The following LCOR variants were observed in gnomAD, a reference collection of about 807,000 sequenced individuals.
The protein encoded by LCOR is ligand-dependent corepressor.
A neutral mutation model predicts 64.4 loss-of-function variants in LCOR; 14 were observed. The ratio of observed to expected loss-of-function variants is 0.22; its 90% CI spans 0.14 to 0.34. The LOEUF (loss-of-function observed/expected upper bound fraction) is 0.34, where lower values mean the gene tolerates loss of function less well. LCOR is among the 10% of genes least tolerant of loss of function. The pLI, the probability that LCOR is intolerant of heterozygous loss-of-function variation, is 1.00. For missense variants in LCOR, 1,686 were observed against 1,765.3 expected (o/e 0.96, Z 0.80); for synonymous variants, 643 against 642.5 (o/e 1.00, Z -0.01).
chr10:96,965,570 G>A (rs1847940571), intron 7 of LCOR, among the ~76,000 whole-genome samples: 1 of 149,494 alleles, frequency 6.7e-6, no homozygotes. Context: ...GCTGAGGCAG[G>A]AGAATGGCGT....
At chr10:96,965,335 G>T (rs1330776015) in intron 7 of LCOR, among the ~76,000 whole-genome samples, 1 of 151,186 alleles carries the variant, frequency 6.6e-6, no homozygotes, top group Non-Finnish European at 1.5e-5. Flanking sequence ...ATTTAAAGAT[G>T]ATGCTATTGT....
chr10:96,873,263 C>A (rs914180553), intron 2 of LCOR, among the ~76,000 whole-genome samples: 2 of 152,012 alleles, frequency 1.3e-5, no homozygotes, highest in South Asian at 4.2e-4. Context: ...CTAAAAGCTG[C>A]TTCTGAGTTT....
At chr10:96,895,494 G>A (rs543661083) in intron 2 of LCOR, among the ~76,000 whole-genome samples, 1 of 152,252 alleles carries the variant, frequency 6.6e-6, no homozygotes, top group African/African-American at 2.4e-5. Context: ...GTTCTCTACA[G>A]CTACCTGGTA....
intron 7 of LCOR, chr10:96,955,091 G>A: frequency 1.2e-6 from 2 of 1,614,166 alleles, no homozygotes. Flanking sequence ...CTCGATCCCT[G>A]CAGATTAGTG....
chr10:96,914,752 ATT>A (rs1276829011), intron 4 of LCOR, among the ~76,000 whole-genome samples: 1 of 152,142 alleles, frequency 6.6e-6, no homozygotes. Flanking sequence ...GGGTTGACAA[ATT>A]TTCAAGAGCT....
At chr10:96,942,039 T>G (rs1589671902) in intron 4 of LCOR, among the ~76,000 whole-genome samples, 1 of 124,818 alleles carries the variant, frequency 8.0e-6, no homozygotes, top group Non-Finnish European at 1.7e-5. Context: ...CCAGACGGGG[T>G]GGCGGCTGGG....
At chr10:96,901,309 A>T (rs1311415022) in intron 2 of LCOR, among the ~76,000 whole-genome samples, 2 of 152,218 alleles carry the variant, frequency 1.3e-5, no homozygotes, top group Non-Finnish European at 2.9e-5. Flanking sequence ...GTGTGTCACC[A>T]CATACCATTC....
chr10:96,982,619 T>A lies in LCOR; in HGVS notation c.2159T>A (p.Leu720Gln). ...ATGGGCTTGGAGCCCCCCATGAGTC[T>A]GGGAAAGGCTGAGGACAACCAAAGC... The part of the protein sequence containing the change: ...SPMGLEPPMS[L>Q]GKAEDNQSIS... The change falls in exon 8 of 8, where the codon CTG (leucine) becomes CAG (glutamine). Residue 720 changes from leucine to glutamine, a missense_variant. By Grantham distance (113) the Leu-to-Gln change is moderately radical. Coordinates refer to ENST00000421806, the MANE Select transcript of LCOR (RefSeq NM_001346516.2). The A allele has an allele frequency of 6.2e-7, 1 of 1,614,096 alleles. No individual in the cohort carries two copies. The highest frequency in any genetic ancestry group is 8.5e-7 in the Non-Finnish European group (1 of 1,180,010).
chr10:96,892,426 A>T (rs548238015), intron 2 of LCOR, among the ~76,000 whole-genome samples: 1 of 152,228 alleles, frequency 6.6e-6, no homozygotes, highest in African/African-American at 2.4e-5. Context: ...TATTTCTCAC[A>T]GTTCTGGAGG....
intron 7 of LCOR, among the ~76,000 whole-genome samples, chr10:96,969,656 T>G (rs1222274043): frequency 1.3e-5 from 2 of 152,206 alleles, no homozygotes; most frequent in Admixed American, 1.3e-4. Context: ...GGGACAATTA[T>G]GCCTATTTAA....
intron 2 of LCOR, among the ~76,000 whole-genome samples, chr10:96,858,833 A>T (rs569190464): frequency 6.6e-4 from 100 of 152,256 alleles, no homozygotes; most frequent in Admixed American, 1.0e-3. Context: ...AGATTCCAGA[A>T]CCCTGCCTGG....
At chr10:96,952,767 A>T (rs1235991524) in intron 7 of LCOR, among the ~76,000 whole-genome samples, 5 of 152,180 alleles carry the variant, frequency 3.3e-5, no homozygotes, top group African/African-American at 1.2e-4. Context: ...AAATTCTCTG[A>T]CACCCTAATT....
chr10:96,913,931 A>G (rs928235185), intron 4 of LCOR, among the ~76,000 whole-genome samples: 1 of 151,858 alleles, frequency 6.6e-6, no homozygotes, highest in Non-Finnish European at 1.5e-5. Context: ...TTAGAACTTG[A>G]TCTGTGTTTT....
chr10:96,963,388 C>G (rs1847911398), intron 7 of LCOR: 1 of 152,212 alleles, frequency 6.6e-6, no homozygotes. Flanking sequence ...TGATGTGGCT[C>G]TTGCTTCTTC....
intron 7 of LCOR, chr10:96,955,856 T>G (rs1847762775): frequency 1.9e-6 from 3 of 1,614,210 alleles, no homozygotes; most frequent in Non-Finnish European, 2.5e-6. Flanking sequence ...CAGATGTTTC[T>G]GTAAAGATTG....
intron 2 of LCOR, among the ~76,000 whole-genome samples, chr10:96,887,681 CT>C (rs369996836): frequency 0.15 from 21,732 of 143,426 alleles, 2,026 homozygotes; most frequent in African/African-American, 0.28. Context: ...AAACTAGCTA[CT>C]TTTTTTTTTT....
At chr10:96,886,024 T>C (rs982615510) in intron 2 of LCOR, among the ~76,000 whole-genome samples, 1 of 152,156 alleles carries the variant, frequency 6.6e-6, no homozygotes, top group Admixed American at 6.5e-5. Flanking sequence ...ACTACGGGCA[T>C]GCGCCACCAT....
chr10:96,849,767 T>C (rs1207246357), intron 2 of LCOR, among the ~76,000 whole-genome samples: 1 of 151,668 alleles, frequency 6.6e-6, no homozygotes, highest in Non-Finnish European at 1.5e-5. Context: ...CCTCAAAGCG[T>C]AATAAGATGG....
At chr10:96,954,173 T>C (rs776279065) in intron 7 of LCOR, among the ~76,000 whole-genome samples, 2 of 152,036 alleles carry the variant, frequency 1.3e-5, no homozygotes, top group Non-Finnish European at 2.9e-5. Flanking sequence ...AAATAAAGAG[T>C]AATTTCTTTT....
Sources: allele counts gnomAD v4.1 joint callset (sites outside exome capture counted in the v4.1 genomes callset), GRCh38; gene constraint gnomAD v4.1.1; transcripts MANE v1.5; gene names NCBI Gene and HGNC (gene_info 2026-07-23, HGNC 2026-07-21).